Variants in PKP4 observed in about 807,000 individuals in gnomAD.
The protein encoded by PKP4 is plakophilin 4.
PKP4 carries 90 observed loss-of-function variants against 145.1 expected under a neutral mutation model. That is an observed-to-expected ratio of 0.62 (90% CI 0.52 to 0.74). The LOEUF is 0.74. Among genes scored for constraint, PKP4 ranks in the 30% least tolerant of loss-of-function variants. The pLI, the probability that PKP4 is intolerant of heterozygous loss-of-function variation, is 0.00. For missense variants in PKP4, 1,340 were observed against 1,482.7 expected, an observed-to-expected ratio of 0.90 and a Z score of 1.58; for synonymous variants, 563 against 577.2, an observed-to-expected ratio of 0.98 and a Z score of 0.35.
chr2:158,461,274 A>G (rs1689722252), intron 1 of PKP4, among the ~76,000 whole-genome samples: 1 of 152,198 alleles, frequency 6.6e-6, no homozygotes, highest in Non-Finnish European at 1.5e-5. Context: ...TCTTCAATTA[A>G]ACTTAGGAAT....
chr2:158,579,974 A>G lies in PKP4; in HGVS notation c.245+2591A>G, dbSNP rs547198107. Among the ~76,000 whole-genome samples the G allele has an allele frequency of 1.4e-3, 211 of 152,270 alleles. 1 individual carries two copies. Among genetic ancestry groups the G allele is most frequent in the South Asian group, 6.8e-3 (33 of 4,830 alleles). ...TTATAAAATATTTTGGAATGACACC[A>G]ATTTAAGATAGTGGAACCTCTAGAA... On this transcript the variant is annotated intron_variant, in intron 3 of 21. Transcript: ENST00000389759.
chr2:158,569,716 T>C (rs2047270542), intron 2 of PKP4, among the ~76,000 whole-genome samples: 1 of 152,216 alleles, frequency 6.6e-6, no homozygotes, highest in Non-Finnish European at 1.5e-5. Flanking sequence ...ATGTTAATAG[T>C]TGTTCTTTGC....
At chr2:158,551,947 T>A (rs570741854) in intron 2 of PKP4, among the ~76,000 whole-genome samples, 1 of 152,302 alleles carries the variant, frequency 6.6e-6, no homozygotes, top group Non-Finnish European at 1.5e-5. Context: ...AGAATAATGC[T>A]CTCCTCCCCA....
Position 158,625,111 on chromosome 2 carries a change from C to G in PKP4, c.837C>G (p.Pro279=). ...CAGCCTCTCCGTACTCACAGAGACC[C>G]GCCTCCCCAACAGCTATACGGCGGA... ...ARAASPYSQR[P]ASPTAIRRIG... Residue 279 remains proline (P), a synonymous_variant, in exon 7 of 22, where the codon CCC becomes CCG. Transcript: ENST00000389759. The G allele has an allele frequency of 6.2e-7, 1 of 1,614,162 alleles. No individual in the cohort carries two copies.
chr2:158,638,934 G>A (rs183817412), intron 9 of PKP4, among the ~76,000 whole-genome samples: 1 of 152,202 alleles, frequency 6.6e-6, no homozygotes. Context: ...TAGAGTTATC[G>A]TCTGTATAAA....
intron 1 of PKP4, among the ~76,000 whole-genome samples, chr2:158,472,335 C>T (rs999120941): frequency 3.9e-5 from 6 of 151,936 alleles, no homozygotes; most frequent in East Asian, 1.9e-4. Flanking sequence ...TTAGGCCGGG[C>T]GTGGTGGCTC....
At chr2:158,492,171 T>C (rs1695038526) in intron 1 of PKP4, among the ~76,000 whole-genome samples, 1 of 151,914 alleles carries the variant, frequency 6.6e-6, no homozygotes, top group South Asian at 2.1e-4. Context: ...GGAGTCTACG[T>C]TGTGTCACTG....
chr2:158,658,935 GA>G (rs2056263225), intron 12 of PKP4: 2 of 152,362 alleles, frequency 1.3e-5, no homozygotes, highest in Non-Finnish European at 2.9e-5. Flanking sequence ...CAGGGACAGA[GA>G]GAGTGGGCTC....
chr2:158,598,632 G>A (rs2049972746), intron 3 of PKP4, among the ~76,000 whole-genome samples: 1 of 152,142 alleles, frequency 6.6e-6, no homozygotes, highest in South Asian at 2.1e-4. Flanking sequence ...AGCCGGGCAT[G>A]GTAGCGGGCA....
intron 6 of PKP4, among the ~76,000 whole-genome samples, chr2:158,623,872 G>T (rs1415696479): frequency 6.6e-6 from 1 of 152,118 alleles, no homozygotes; most frequent in Non-Finnish European, 1.5e-5. Flanking sequence ...TTCTCAGTTG[G>T]CTCTCCTTTT....
intron 2 of PKP4, among the ~76,000 whole-genome samples, chr2:158,555,137 T>G (rs1228544696): frequency 2.0e-5 from 3 of 152,196 alleles, no homozygotes; most frequent in Non-Finnish European, 4.4e-5. Context: ...GAAGGCAACA[T>G]GCAACATCAG....
intron 2 of PKP4, among the ~76,000 whole-genome samples, chr2:158,558,531 A>G (rs1051830878): frequency 6.6e-6 from 1 of 152,144 alleles, no homozygotes; most frequent in Non-Finnish European, 1.5e-5. Context: ...GGAGAACAGA[A>G]AAGTGCCTTT....
At chr2:158,616,704 C>A (rs774489903) in intron 4 of PKP4, among the ~76,000 whole-genome samples, 2 of 152,140 alleles carry the variant, frequency 1.3e-5, no homozygotes, top group Non-Finnish European at 2.9e-5. Context: ...GAGAACCTGT[C>A]ATGAGGTTCC....
intron 9 of PKP4, among the ~76,000 whole-genome samples, chr2:158,638,545 C>A (rs1029739097): frequency 2.0e-5 from 3 of 152,118 alleles, no homozygotes; most frequent in Non-Finnish European, 4.4e-5. Context: ...AGTGACATCA[C>A]CCTCCAGCCT....
chr2:158,531,685 G>A (rs1201212171), intron 1 of PKP4, among the ~76,000 whole-genome samples: 1 of 152,220 alleles, frequency 6.6e-6, no homozygotes, highest in East Asian at 1.9e-4. Context: ...AGGAAGTGAG[G>A]CTCAGCAAGG....
At chr2:158,457,314 CGGGGG>C in intron 1 of PKP4, 96 bp downstream of exon 1, 1 of 151,812 alleles carries the variant, frequency 6.6e-6, no homozygotes, top group African/African-American at 2.4e-5. Flanking sequence ...ACCTGCGCGC[CGGGGG>C]CCGGGGGCCT....
chr2:158,648,747 C>T (rs1199590504), intron 11 of PKP4, among the ~76,000 whole-genome samples: 1 of 152,172 alleles, frequency 6.6e-6, no homozygotes, highest in Non-Finnish European at 1.5e-5. Flanking sequence ...ACCTGTAATC[C>T]CCACACTTTG....
At position 158,666,408 on chromosome 2, in the gene PKP4, A is replaced by C; in HGVS notation, c.2578-5A>C. 6.3e-7 allele frequency: 1 copy of C among 1,577,742 alleles called. No homozygotes were observed. The highest frequency in any genetic ancestry group is 1.2e-5 in the South Asian group (1 of 84,284). ...TGTTACTTCCTGCCTTATTTTTCTC[A>C]CTAGTTTGCAGCATATATCCGGGCG... is the stretch of plus-strand genomic sequence containing the variant. On this transcript the variant is annotated splice_region_variant and splice_polypyrimidine_tract_variant and intron_variant, in intron 15 of 21. Coordinates refer to ENST00000389759, the MANE Select transcript of PKP4 (RefSeq NM_003628.6).
At chr2:158,484,703 T>G (rs1693912198) in intron 1 of PKP4, among the ~76,000 whole-genome samples, 1 of 152,214 alleles carries the variant, frequency 6.6e-6, no homozygotes, top group Admixed American at 6.5e-5. Context: ...TTTATAGAGT[T>G]GCAGTAAGTG....
Sources: allele counts gnomAD v4.1 joint callset (sites outside exome capture counted in the v4.1 genomes callset), GRCh38; gene constraint gnomAD v4.1.1; transcripts MANE v1.5; gene names NCBI Gene and HGNC (gene_info 2026-07-23, HGNC 2026-07-21).